The following RAB19 variants were observed in gnomAD, a reference collection of about 807,000 sequenced individuals.
The protein encoded by RAB19 is ras-related protein Rab-19.
In RAB19, 21 loss-of-function variants were observed where a neutral mutation model predicts 17.3. The observed-to-expected ratio is 1.21, with a 90% CI of 0.86 to 1.74. RAB19 has a LOEUF of 1.74. Among genes scored for constraint, RAB19 ranks in the 40% most tolerant of loss-of-function variants. RAB19 has a pLI of 0.00. For missense variants in RAB19, 277 were observed against 286.8 expected (o/e 0.97, Z 0.25); for synonymous variants, 126 against 110.4 (o/e 1.14, Z -0.88).
chr7:140,411,328 A>G (rs1460602216), intron 2 of RAB19, among the ~76,000 whole-genome samples: 4 of 152,154 alleles, frequency 2.6e-5, no homozygotes, highest in Non-Finnish European at 5.9e-5. Context: ...TGAACCTGGG[A>G]GGCGGAGCTT....
rs570156961 is a variant in RAB19, at chr7:140,407,927, C to T, written c.201+80C>T. The T allele has an allele frequency of 4.7e-5, 50 of 1,066,542 alleles. 1 individual carries two copies. The highest frequency in any genetic ancestry group is 1.4e-4 in the East Asian group (5 of 36,690). 66.1% of individuals were successfully genotyped at this position (1,066,542 alleles called of 1,614,324 possible). On this transcript the variant is annotated intron_variant, in intron 2 of 3. Transcript: ENST00000537763. ...TTTTTCCTTGAGACGGAGTCTCGCG[C>T]GATCTCGGCTCACTGCAAGCTCCGC...
intron 1 of RAB19, among the ~76,000 whole-genome samples, chr7:140,404,780 G>A (rs1374722882): frequency 6.6e-6 from 1 of 152,168 alleles, no homozygotes; most frequent in African/African-American, 2.4e-5. Flanking sequence ...TGAGGAGTCC[G>A]AACACACTCT....
At chr7:140,424,647 G>T (rs1799628709) in intron 3 of RAB19, among the ~76,000 whole-genome samples, 1 of 127,470 alleles carries the variant, frequency 7.8e-6, no homozygotes, top group South Asian at 2.3e-4. Context: ...ATATGTGTGT[G>T]TGTATATATG....
intron 3 of RAB19, among the ~76,000 whole-genome samples, chr7:140,414,814 C>T (rs1799426197): frequency 6.6e-6 from 1 of 152,138 alleles, no homozygotes; most frequent in South Asian, 2.1e-4. Flanking sequence ...ACAGGAATGA[C>T]CCCGGTGTCA....
Position 140,407,660 on chromosome 7 carries a change from G to C in RAB19, c.14G>C (p.Ser5Thr). The change falls in exon 2 of 4, where the codon AGC becomes ACC. Residue 5 changes from serine to threonine, a missense_variant. Transcript: ENST00000537763. Reference protein sequence around the residue: MHFSSSARAADENFD... With the variant: MHFSTSARAADENFD... ...GTGGCAAGAACCATGCACTTCTCCA[G>C]CTCAGCCAGGGCAGCAGATGAGAAC... 1 of 1,614,066 alleles carries C rather than the reference G, an allele frequency of 6.2e-7. No individual in the cohort carries two copies. Among genetic ancestry groups the C allele is most frequent in the South Asian group, 1.1e-5 (1 of 91,076 alleles).
At chr7:140,413,927 G>A (rs114029133) in intron 3 of RAB19, among the ~76,000 whole-genome samples, 1 of 152,252 alleles carries the variant, frequency 6.6e-6, no homozygotes, top group African/African-American at 2.4e-5. Context: ...GGTTTCCCCA[G>A]GAATGTGGAC....
chr7:140,405,585 C>T (rs1380942311), intron 1 of RAB19, among the ~76,000 whole-genome samples: 1 of 151,852 alleles, frequency 6.6e-6, no homozygotes, highest in Non-Finnish European at 1.5e-5. Flanking sequence ...ATTATATTGC[C>T]TAGACTACTT....
At chr7:140,410,468 AGGCGCCCGCCAC>A (rs1317898648) in intron 2 of RAB19, among the ~76,000 whole-genome samples, 9 of 151,610 alleles carry the variant, frequency 5.9e-5, no homozygotes, top group Non-Finnish European at 1.2e-4. Context: ...CTGGGACTAC[AGGCGCCCGCCAC>A]GGCGCCCGGC....
At chr7:140,408,605 A>C (rs1480694135) in intron 2 of RAB19, among the ~76,000 whole-genome samples, 1 of 151,802 alleles carries the variant, frequency 6.6e-6, no homozygotes, top group Non-Finnish European at 1.5e-5. Context: ...CATTCCAAGT[A>C]GCTGGATTTA....
In RAB19 at chr7:140,407,710, C is replaced by T; in HGVS notation, c.64C>T (p.Leu22Phe). The change falls in exon 2 of 4, where the codon CTC becomes TTC. Residue 22 changes from leucine (L) to phenylalanine (F), a missense_variant. By Grantham distance (22) the Leu-to-Phe change is conservative. Transcript: ENST00000537763. ...ENFDYLFKII[L>F]IGDSNVGKTC... is the part of the protein sequence containing the mutation. ...CTTTGACTATTTGTTCAAGATTATCCTCATTGGGGATTCCAATGTGGGGAA... is the reference window on the plus strand; with the variant it reads ...CTTTGACTATTTGTTCAAGATTATCTTCATTGGGGATTCCAATGTGGGGAA... The T allele has an allele frequency of 1.2e-6, 2 of 1,614,014 alleles. No individual in the cohort carries two copies. Among genetic ancestry groups the T allele is most frequent in the Non-Finnish European group, 1.7e-6 (2 of 1,180,008 alleles).
chr7:140,405,788 C>CAA (rs35424074), intron 1 of RAB19, among the ~76,000 whole-genome samples: 1 of 108,828 alleles, frequency 9.2e-6, no homozygotes. Flanking sequence ...GACTCTGTCT[C>CAA]AAAAAAAAAA....
chr7:140,418,192 T>C (rs1263073614), intron 3 of RAB19, among the ~76,000 whole-genome samples: 1 of 152,066 alleles, frequency 6.6e-6, no homozygotes, highest in Non-Finnish European at 1.5e-5. Context: ...TATTAATGTA[T>C]ATAAAGAAAA....
intron 3 of RAB19, among the ~76,000 whole-genome samples, chr7:140,424,615 CTCTCTATATA>C (rs1288734745): frequency 5.0e-4 from 36 of 72,450 alleles, no homozygotes; most frequent in African/African-American, 1.5e-3. Context: ...CTCTCTCTCT[CTCTCTATATA>C]TATATATATA....
Position 140,425,927 on chromosome 7 carries a change from A to C in RAB19, c.431A>C (p.Asp144Ala). The change falls in exon 4 of 4, where the codon GAT (aspartate) becomes GCT (alanine). Residue 144 changes from aspartate to alanine, a missense_variant. Transcript: ENST00000537763. Reference protein sequence around the residue: ...LWEKRHVLFEDACTLAEKYGL... With the variant: ...LWEKRHVLFEAACTLAEKYGL... ...GAAAAGCGGCACGTCCTGTTCGAGG[A>C]TGCCTGCACACTGGCTGAGAAGTAC... 2 of 1,614,152 alleles carry C rather than the reference A, an allele frequency of 1.2e-6. No homozygotes were observed. Among genetic ancestry groups the C allele is most frequent in the Non-Finnish European group, 1.7e-6 (2 of 1,180,004 alleles).
At chr7:140,419,522 A>G (rs1013969887) in intron 3 of RAB19, among the ~76,000 whole-genome samples, 3 of 152,174 alleles carry the variant, frequency 2.0e-5, no homozygotes, top group African/African-American at 7.2e-5. Context: ...CCTTTGCAAG[A>G]ACACCCTACA....
intron 3 of RAB19, among the ~76,000 whole-genome samples, chr7:140,420,988 G>C (rs995498570): frequency 6.6e-6 from 1 of 152,034 alleles, no homozygotes; most frequent in Admixed American, 6.6e-5. Flanking sequence ...CACCTCCCGG[G>C]TTCAAGCAAT....
In RAB19 at chr7:140,425,961, G is replaced by C; in HGVS notation, c.465G>C (p.Leu155=). 1 of 1,614,172 alleles carries C rather than the reference G, an allele frequency of 6.2e-7. No homozygotes were observed. Among genetic ancestry groups the C allele is most frequent in the Non-Finnish European group, 8.5e-7 (1 of 1,180,032 alleles). ...CACTGGCTGAGAAGTACGGCCTCCT[G>C]GCCGTTTTGGAGACATCTGCCAAGG... ...ACTLAEKYGL[L]AVLETSAKES... Residue 155 remains leucine (L), a synonymous_variant, in exon 4 of 4, where the codon CTG becomes CTC. Transcript: ENST00000537763.
intron 3 of RAB19, among the ~76,000 whole-genome samples, chr7:140,418,219 C>T (rs1057024692): frequency 6.6e-6 from 1 of 151,682 alleles, no homozygotes; most frequent in African/African-American, 2.4e-5. Context: ...ATTAATTTAT[C>T]TCAAAGGGAA....
At chr7:140,421,921 A>C (rs1799568707) in intron 3 of RAB19, among the ~76,000 whole-genome samples, 1 of 152,196 alleles carries the variant, frequency 6.6e-6, no homozygotes, top group Admixed American at 6.6e-5. Flanking sequence ...ATTTTTTCTT[A>C]ATTGAAATCA....
Sources: allele counts gnomAD v4.1 joint callset (sites outside exome capture counted in the v4.1 genomes callset), GRCh38; gene constraint gnomAD v4.1.1; transcripts MANE v1.5; gene names NCBI Gene and HGNC (gene_info 2026-07-23, HGNC 2026-07-21).